The following GRIK4 variants were observed in gnomAD, a reference collection of about 807,000 sequenced individuals.
GRIK4 encodes glutamate receptor ionotropic, kainate 4.
GRIK4 carries 40 observed loss-of-function variants against 104.9 expected under a neutral mutation model. The observed-to-expected ratio is 0.38, with a 90% confidence interval of 0.30 to 0.50. The LOEUF is 0.50. GRIK4 is among the 20% of genes least tolerant of loss of function. The pLI, the probability that GRIK4 is intolerant of heterozygous loss-of-function variation, is 0.93. For synonymous variants in GRIK4, 485 were observed against 524.9 expected (o/e 0.92, Z 1.04); for missense variants, 1,047 against 1,308.1 (o/e 0.80, Z 3.08).
chr11:120,820,113 G>A (rs898304633), intron 6 of GRIK4, among the ~76,000 whole-genome samples, 193 bp downstream of exon 6: 1 of 140,234 alleles, frequency 7.1e-6, no homozygotes, highest in South Asian at 2.3e-4. Context: ...GTGTGTGTGT[G>A]TGTTTAAGAG....
intron 14 of GRIK4, among the ~76,000 whole-genome samples, chr11:120,948,608 T>C (rs765424945): frequency 4.6e-5 from 7 of 152,248 alleles, no homozygotes; most frequent in African/African-American, 7.2e-5. Context: ...ATTACAGCCA[T>C]AGAAGCTCCA....
At chr11:120,599,307 G>A (rs1948848992) in intron 1 of GRIK4, among the ~76,000 whole-genome samples, 1 of 152,216 alleles carries the variant, frequency 6.6e-6, no homozygotes, top group South Asian at 2.1e-4. Context: ...ACCAGCTGCT[G>A]CAGATGAACC....
intron 1 of GRIK4, among the ~76,000 whole-genome samples, chr11:120,601,454 A>G (rs1948885616): frequency 6.6e-6 from 1 of 152,162 alleles, no homozygotes; most frequent in African/African-American, 2.4e-5. Flanking sequence ...AGGAAGGTCT[A>G]CACAGGGCAA....
intron 1 of GRIK4, among the ~76,000 whole-genome samples, chr11:120,599,646 C>T (rs187598018): frequency 1.3e-5 from 2 of 152,342 alleles, no homozygotes; most frequent in East Asian, 3.9e-4. Flanking sequence ...GCCCCGTTTT[C>T]AGTGCAGAAA....
At chr11:120,629,265 T>G (rs1399635904) in intron 1 of GRIK4, among the ~76,000 whole-genome samples, 1 of 152,204 alleles carries the variant, frequency 6.6e-6, no homozygotes, top group Non-Finnish European at 1.5e-5. Context: ...AATATCCATG[T>G]GGCCTTGACA....
At chr11:120,604,998 G>A (rs1486349968) in intron 1 of GRIK4, among the ~76,000 whole-genome samples, 2 of 152,116 alleles carry the variant, frequency 1.3e-5, no homozygotes, top group Admixed American at 6.5e-5. Context: ...GAGTAGCCGG[G>A]ACCACTGGTG....
chr11:120,639,718 C>T (rs1280042288), intron 1 of GRIK4, among the ~76,000 whole-genome samples: 1 of 152,222 alleles, frequency 6.6e-6, no homozygotes, highest in African/African-American at 2.4e-5. Context: ...GTCTATCTGT[C>T]TCCAGGACCT....
At chr11:120,651,979 T>C (rs1011897382) in intron 1 of GRIK4, among the ~76,000 whole-genome samples, 2 of 152,100 alleles carry the variant, frequency 1.3e-5, no homozygotes, top group South Asian at 4.1e-4. Flanking sequence ...GTGGGTGTAG[T>C]GAGTGATGGG....
chr11:120,962,680 C>A lies in GRIK4; in HGVS notation c.2265C>A (p.Val755=). 4 of 1,605,670 alleles carry A rather than the reference C, an allele frequency of 2.5e-6. No individual in the cohort carries two copies. The highest frequency in any genetic ancestry group is 2.2e-5 in the South Asian group (2 of 90,838). Residue 755 remains valine, a splice_region_variant and synonymous_variant, in exon 18 of 21, where the codon GTC becomes GTA. Transcript: ENST00000527524. Reference sequence around the variant, plus strand: ...AGGGCTATGGGATTGGCATGCCAGTCGGTATGCGGGAGAGGAACAGCCTCT... The same window carrying A: ...AGGGCTATGGGATTGGCATGCCAGTAGGTATGCGGGAGAGGAACAGCCTCT... The part of the protein sequence containing the change: ...DTKGYGIGMP[V]GSVFRDEFDL...
At chr11:120,761,242 T>C (rs1951743366) in intron 3 of GRIK4, among the ~76,000 whole-genome samples, 1 of 152,232 alleles carries the variant, frequency 6.6e-6, no homozygotes, top group Non-Finnish European at 1.5e-5. Context: ...CACATAAATG[T>C]CTTCTTTTGC....
intron 3 of GRIK4, among the ~76,000 whole-genome samples, chr11:120,733,285 C>A (rs1951169792): frequency 6.6e-6 from 1 of 152,060 alleles, no homozygotes; most frequent in South Asian, 2.1e-4. Context: ...CACTGTGTGT[C>A]TTTTTATTGG....
At chr11:120,916,146 C>T (rs940079343) in intron 13 of GRIK4, among the ~76,000 whole-genome samples, 8 of 152,194 alleles carry the variant, frequency 5.3e-5, no homozygotes, top group Admixed American at 5.2e-4. Flanking sequence ...ACACTTCTGT[C>T]CTCAACCCTC....
At chr11:120,938,330 G>A (rs983701237) in intron 13 of GRIK4, among the ~76,000 whole-genome samples, 1 of 152,208 alleles carries the variant, frequency 6.6e-6, no homozygotes, top group Non-Finnish European at 1.5e-5. Context: ...CATCAGCACT[G>A]TCTTGGAGAA....
chr11:120,908,088 T>G (rs2134517356), intron 13 of GRIK4, among the ~76,000 whole-genome samples: 1 of 152,270 alleles, frequency 6.6e-6, no homozygotes, highest in Admixed American at 6.5e-5. Context: ...TTGGGGCTAT[T>G]GAATGTGCTG....
intron 1 of GRIK4, among the ~76,000 whole-genome samples, chr11:120,626,205 A>G (rs1949256472): frequency 1.3e-5 from 2 of 152,226 alleles, no homozygotes; most frequent in African/African-American, 2.4e-5. Flanking sequence ...CTATTAGTCT[A>G]GAGGGCTGTC....
rs140216112 is a variant in GRIK4, at chr11:120,874,172, C to G, written c.1013C>G (p.Ala338Gly). Residue 338 changes from alanine (A) to glycine (G), a missense_variant, in exon 10 of 21, where the codon GCC becomes GGC. Ala to Gly is a moderately conservative substitution (Grantham distance 60, BLOSUM62 0). Coordinates refer to ENST00000527524, the MANE Select transcript of GRIK4 (RefSeq NM_014619.5). Reference sequence around the variant, plus strand: ...GTGAAGCCCTTGTCCTGCGGCTCGGCCCAGATCTGGCAGCACGGCACCAGC... The same window carrying G: ...GTGAAGCCCTTGTCCTGCGGCTCGGGCCAGATCTGGCAGCACGGCACCAGC... ...IGVKPLSCGS[A>G]QIWQHGTSLM... The G allele has an allele frequency of 4.7e-4, 759 of 1,613,496 alleles. 2 individuals carry two copies. Among genetic ancestry groups the G allele is most frequent in the Non-Finnish European group, 6.2e-4 (729 of 1,179,950 alleles).
At chr11:120,757,249 GT>G (rs1951669328) in intron 3 of GRIK4, among the ~76,000 whole-genome samples, 1 of 152,248 alleles carries the variant, frequency 6.6e-6, no homozygotes, top group Non-Finnish European at 1.5e-5. Context: ...CATAAGTGAG[GT>G]TGTGTCTGCT....
intron 1 of GRIK4, among the ~76,000 whole-genome samples, chr11:120,652,571 T>C (rs1386078462): frequency 2.0e-5 from 3 of 151,350 alleles, no homozygotes; most frequent in Non-Finnish European, 4.4e-5. Context: ...TCCCAGCCAG[T>C]GGGGGAGTCA....
intron 3 of GRIK4, among the ~76,000 whole-genome samples, chr11:120,740,510 A>AT (rs1356782103): frequency 6.6e-6 from 1 of 152,168 alleles, no homozygotes; most frequent in Non-Finnish European, 1.5e-5. Context: ...TCTGAGCATC[A>AT]TGCCTCATCA....
Sources: allele counts gnomAD v4.1 joint callset (sites outside exome capture counted in the v4.1 genomes callset), GRCh38; gene constraint gnomAD v4.1.1; transcripts MANE v1.5; gene names NCBI Gene and HGNC (gene_info 2026-07-23, HGNC 2026-07-21).